The following SNX10 variants were observed in gnomAD, a reference collection of about 807,000 sequenced individuals.
SNX10 encodes the protein sorting nexin 10, also known as sorting nexin-10.
In SNX10, 25 loss-of-function variants were observed where a neutral mutation model predicts 28.5. The ratio of observed to expected loss-of-function variants is 0.88; its 90% CI spans 0.64 to 1.22. The LOEUF (loss-of-function observed/expected upper bound fraction) is 1.22, where lower values mean the gene tolerates loss of function less well. SNX10 is among the 50% of genes most tolerant of loss of function. SNX10 has a pLI of 0.00. For synonymous variants in SNX10, 62 were observed against 81.4 expected (o/e 0.76, Z 1.28); for missense variants, 223 against 242.6 (o/e 0.92, Z 0.54).
At chr7:26,362,528 A>C (rs1178117431) in intron 3 of SNX10, among the ~76,000 whole-genome samples, 2 of 152,228 alleles carry the variant, frequency 1.3e-5, no homozygotes, top group Non-Finnish European at 2.9e-5. Flanking sequence ...ATAAATTGAC[A>C]ATGGATAAGC....
intron 1 of SNX10, among the ~76,000 whole-genome samples, chr7:26,295,356 C>G (rs1460268158): frequency 1.3e-5 from 2 of 152,066 alleles, no homozygotes; most frequent in African/African-American, 4.8e-5. Flanking sequence ...GCTACTGTGG[C>G]CAGCCTGATT....
chr7:26,361,660 A>G (rs1584170384), intron 3 of SNX10, among the ~76,000 whole-genome samples: 1 of 152,354 alleles, frequency 6.6e-6, no homozygotes, highest in East Asian at 1.9e-4. Context: ...AGGGTAAGCA[A>G]ACTTCTCTGT....
intron 1 of SNX10, among the ~76,000 whole-genome samples, chr7:26,305,210 C>A (rs1396557540): frequency 6.6e-6 from 1 of 152,144 alleles, no homozygotes; most frequent in African/African-American, 2.4e-5. Context: ...CTCACTCCAT[C>A]CCCCTCACTT....
At position 26,305,027 on chromosome 7, in the gene SNX10, T is replaced by G. The variant is rs118071463; in HGVS notation, c.-24+12941T>G. Among the ~76,000 whole-genome samples the G allele has an allele frequency of 6.1e-3, 930 of 152,266 alleles. 8 individuals are homozygous for G. The highest frequency in any genetic ancestry group is 0.011 in the Non-Finnish European group (725 of 68,004). Reference sequence around the variant, plus strand: ...GGGAGGCCTCATGTGCTTTCTTTTTTACCTTGGTGTCAGCCCCGACACAAA... The same window carrying G: ...GGGAGGCCTCATGTGCTTTCTTTTTGACCTTGGTGTCAGCCCCGACACAAA... On this transcript the variant is annotated intron_variant, in intron 1 of 6. Transcript: ENST00000338523.
At chr7:26,338,162 G>GC (rs1788012843) in intron 1 of SNX10, among the ~76,000 whole-genome samples, 1 of 148,622 alleles carries the variant, frequency 6.7e-6, no homozygotes, top group Admixed American at 6.7e-5. Context: ...TGTCACCCAG[G>GC]CTGGAGTGCA....
chr7:26,357,157 G>T (rs79080021), intron 2 of SNX10: 13,062 of 451,730 alleles, frequency 0.029, 260 homozygotes, highest in East Asian at 0.11. Context: ...GTAGGATGTG[G>T]TGAGTAGGGA....
intron 1 of SNX10, among the ~76,000 whole-genome samples, chr7:26,321,350 G>A (rs1787300662): frequency 6.6e-6 from 1 of 152,178 alleles, no homozygotes; most frequent in African/African-American, 2.4e-5. Context: ...ACTCTAATAT[G>A]TTAAGTCTGC....
intron 1 of SNX10, among the ~76,000 whole-genome samples, chr7:26,303,137 C>G (rs1474639765): frequency 1.3e-5 from 2 of 152,166 alleles, no homozygotes; most frequent in African/African-American, 4.8e-5. Flanking sequence ...CCCCTAAAGT[C>G]TTTGAAAGGC....
chr7:26,314,110 C>T (rs1375359002), intron 1 of SNX10, among the ~76,000 whole-genome samples: 1 of 152,172 alleles, frequency 6.6e-6, no homozygotes, highest in Non-Finnish European at 1.5e-5. Context: ...CCACGCCTGG[C>T]CCAAGAACCT....
At chr7:26,351,621 A>G (rs1788599012) in intron 2 of SNX10, among the ~76,000 whole-genome samples, 1 of 151,294 alleles carries the variant, frequency 6.6e-6, no homozygotes, top group South Asian at 2.1e-4. Context: ...ACATTAGGTG[A>G]AAACTAAAGC....
At chr7:26,357,119 G>A in intron 2 of SNX10, 1 of 932,604 alleles carries the variant, frequency 1.1e-6, no homozygotes, top group Non-Finnish European at 1.5e-6. Context: ...TGCTAGAGGA[G>A]GCCTACAGGT....
At chr7:26,303,328 GCTGCACTTTCAC>G (rs1195714734) in intron 1 of SNX10, among the ~76,000 whole-genome samples, 3 of 152,192 alleles carry the variant, frequency 2.0e-5, no homozygotes, top group African/African-American at 4.8e-5. Flanking sequence ...AAAAACTGAA[GCTGCACTTTCAC>G]TCCTCTCCCA....
chr7:26,291,922 T>TGGGCGGGGA lies in SNX10; in HGVS notation c.-187_-186insGGCGGGGAG, dbSNP rs1785931565. The TGGGCGGGGA allele has an allele frequency of 6.7e-6, 1 of 149,290 alleles. No individual in the cohort carries two copies. Among genetic ancestry groups the TGGGCGGGGA allele is most frequent in the East Asian group, 2.0e-4 (1 of 4,948 alleles). 9.2% of individuals were successfully genotyped at this position (149,290 alleles called of 1,614,324 possible). ...TGAGCGCGGGCGCGGGGCCGCTACG[T>TGGGCGGGGA]GCGCGGGGAGCGCGGGGAGCGCGGG... On this transcript the variant is annotated 5_prime_UTR_variant, in exon 1 of 7. Coordinates refer to ENST00000338523, the MANE Select transcript of SNX10 (RefSeq NM_013322.3).
chr7:26,342,724 T>C (rs1480795866), intron 1 of SNX10, among the ~76,000 whole-genome samples: 4 of 152,078 alleles, frequency 2.6e-5, no homozygotes, highest in African/African-American at 9.7e-5. Context: ...GTATTAGAGG[T>C]TGACCATGAT....
At chr7:26,338,242 G>C (rs548645681) in intron 1 of SNX10, among the ~76,000 whole-genome samples, 1 of 150,328 alleles carries the variant, frequency 6.7e-6, no homozygotes, top group East Asian at 2.0e-4. Context: ...CCAGCCTCCC[G>C]AGTGGCCTGG....
rs57340085 is a variant in SNX10 at position 26,335,735 on chromosome 7, C to CTTTTTTTTTTTTTT, written c.-23-10672_-23-10659dup. 1.3e-3 allele frequency among the ~76,000 whole-genome samples: 110 copies of CTTTTTTTTTTTTTT among 84,272 alleles called. 12 individuals carry two copies. Among genetic ancestry groups the CTTTTTTTTTTTTTT allele is most frequent in the Non-Finnish European group, 1.7e-3 (75 of 43,304 alleles). The allele number at this position is 84,272 out of a possible 152,430, so 55.3% of individuals were successfully genotyped here. ...AAAATAACCTCGCAGATGGAATATT[C>CTTTTTTTTTTTTTT]TTTTTTTTTTTTTTTTTTTTTTTTT... On this transcript the variant is annotated intron_variant, in intron 1 of 6. Transcript: ENST00000338523.
At chr7:26,300,883 G>C (rs935434431) in intron 1 of SNX10, among the ~76,000 whole-genome samples, 1 of 151,976 alleles carries the variant, frequency 6.6e-6, no homozygotes, top group Non-Finnish European at 1.5e-5. Flanking sequence ...GCCAGGTGTG[G>C]TGGCGAGCAC....
rs1233379056 is a variant in SNX10 at position 26,358,744 on chromosome 7, C to CA, written c.25-2225dup. On this transcript the variant is annotated intron_variant, in intron 2 of 6. Coordinates refer to ENST00000338523, the MANE Select transcript of SNX10 (RefSeq NM_013322.3). The stretch of plus-strand genomic sequence containing the variant: ...TGGGTGACAGAGTGAGACCCTATCT[C>CA]AAAAAACAGAAAAAAGAAAAGAAAT... Among the ~76,000 whole-genome samples the CA allele has an allele frequency of 4.9e-5, 7 of 141,708 alleles. No homozygotes were observed. In the East Asian group the frequency reaches 1.2e-3, roughly 25 times the overall value. 93.0% of individuals were successfully genotyped at this position (141,708 alleles called of 152,430 possible).
At chr7:26,301,325 A>AT (rs923953062) in intron 1 of SNX10, among the ~76,000 whole-genome samples, 16 of 152,122 alleles carry the variant, frequency 1.1e-4, no homozygotes, top group African/African-American at 3.4e-4. Flanking sequence ...CATGTCCTTG[A>AT]TTTTTTCTTT....
Sources: gnomAD v4.1 joint callset for allele counts (sites outside exome capture counted in the v4.1 genomes callset) on GRCh38, gnomAD v4.1.1 for gene constraint, MANE v1.5 for transcripts, NCBI Gene and HGNC (gene_info 2026-07-23, HGNC 2026-07-21) for gene names.